RXFP1: variants seen among roughly 807,000 people sequenced by gnomAD.
RXFP1 encodes relaxin receptor 1.
In RXFP1, 73 loss-of-function variants were observed where a neutral mutation model predicts 89.8. That is an observed-to-expected ratio of 0.81 (90% CI 0.67 to 0.99). The LOEUF (loss-of-function observed/expected upper bound fraction) is 0.99. RXFP1 is among the 50% of genes least tolerant of loss of function. The probability of loss-of-function intolerance (pLI) is 0.00; values close to 1 mark genes in which losing one functional copy is unlikely to be tolerated. For synonymous variants in RXFP1, 277 were observed against 305.5 expected, an observed-to-expected ratio of 0.91 and a Z score of 0.97; for missense variants, 793 against 895.5, an observed-to-expected ratio of 0.89 and a Z score of 1.46.
chr4:158,529,783 C>G (rs558683003), intron 1 of RXFP1, among the ~76,000 whole-genome samples: 2 of 152,318 alleles, frequency 1.3e-5, no homozygotes, highest in African/African-American at 4.8e-5. Flanking sequence ...TCTCACCACA[C>G]CTTCTGACAA....
intron 9 of RXFP1, among the ~76,000 whole-genome samples, chr4:158,620,045 CA>C (rs1270182317): frequency 2.0e-5 from 3 of 152,148 alleles, no homozygotes; most frequent in Admixed American, 6.5e-5. Context: ...TCAGATTTTA[CA>C]ACTTCCAAAC....
intron 1 of RXFP1, among the ~76,000 whole-genome samples, chr4:158,535,938 C>T (rs1289938668): frequency 6.6e-6 from 1 of 152,104 alleles, no homozygotes; most frequent in Non-Finnish European, 1.5e-5. Context: ...ATCCAGTTTA[C>T]AAATAAGGCA....
At chr4:158,630,013 T>A (rs1210647516) in intron 11 of RXFP1, among the ~76,000 whole-genome samples, 1 of 152,190 alleles carries the variant, frequency 6.6e-6, no homozygotes, top group Non-Finnish European at 1.5e-5. Flanking sequence ...ATTAAAACTT[T>A]TCCATAAAAA....
At position 158,650,432 on chromosome 4, in the gene RXFP1, A is replaced by AATATATATAT. The variant is rs149845150; in HGVS notation, c.1976-1315_1976-1306dup. On this transcript the variant is annotated intron_variant, in intron 17 of 17. Coordinates refer to ENST00000307765, the MANE Select transcript of RXFP1 (RefSeq NM_021634.4). ...GCATATATCCTGTTAAATATATATAAATATATATATATATATATAATGCAG... is the reference window on the plus strand; with the variant it reads ...GCATATATCCTGTTAAATATATATAAATATATATATATATATATATATATATATAATGCAG... Among the ~76,000 whole-genome samples, 129 of 145,478 alleles carry AATATATATAT rather than the reference A, an allele frequency of 8.9e-4. 1 individual carries two copies. Among genetic ancestry groups the AATATATATAT allele is most frequent in the South Asian group, 6.0e-3 (28 of 4,664 alleles).
intron 1 of RXFP1, among the ~76,000 whole-genome samples, chr4:158,547,508 C>A (rs1318344675): frequency 5.3e-5 from 8 of 151,954 alleles, no homozygotes; most frequent in African/African-American, 1.9e-4. Flanking sequence ...AATGTGTTTT[C>A]TCTTGCTTTT....
chr4:158,522,109 T>A, intron 1 of RXFP1, 84 bp downstream of exon 1: 1 of 768,544 alleles, frequency 1.3e-6, no homozygotes, highest in Non-Finnish European at 2.1e-6. Context: ...CTTATATTTA[T>A]GCTTTTAAGA....
chr4:158,577,357 A>G (rs1441391977), intron 2 of RXFP1, among the ~76,000 whole-genome samples: 1 of 152,160 alleles, frequency 6.6e-6, no homozygotes, highest in Non-Finnish European at 1.5e-5. Context: ...TTTTTAAAAC[A>G]TCCATATGTA....
chr4:158,571,609 C>T (rs1755079573), intron 1 of RXFP1, among the ~76,000 whole-genome samples: 1 of 151,994 alleles, frequency 6.6e-6, no homozygotes, highest in Non-Finnish European at 1.5e-5. Flanking sequence ...TTGCAGTGAG[C>T]CAAGATTGTG....
Position 158,617,211 on chromosome 4 carries a change from C to A in RXFP1, c.755+6C>A. On this transcript the variant is annotated splice_donor_region_variant and intron_variant, in intron 9 of 17. Transcript: ENST00000307765. ...ATGCCAAGACTACATTGGCTGTAAGCGATTCTGTCTTTTTTTAAAGAACTC... is the reference window on the plus strand; with the variant it reads ...ATGCCAAGACTACATTGGCTGTAAGAGATTCTGTCTTTTTTTAAAGAACTC... 6.3e-7 allele frequency: 1 copy of A among 1,590,346 alleles called. No individual in the cohort carries two copies. Among genetic ancestry groups the A allele is most frequent in the Non-Finnish European group, 8.6e-7 (1 of 1,165,178 alleles).
At chr4:158,592,824 C>T (rs1003937300) in intron 2 of RXFP1, among the ~76,000 whole-genome samples, 3 of 151,970 alleles carry the variant, frequency 2.0e-5, no homozygotes, top group African/African-American at 4.8e-5. Context: ...GGCATGGTGG[C>T]GCACGCCTGT....
intron 1 of RXFP1, among the ~76,000 whole-genome samples, chr4:158,570,219 A>G (rs1754745806): frequency 6.6e-6 from 1 of 152,200 alleles, no homozygotes; most frequent in Non-Finnish European, 1.5e-5. Flanking sequence ...CTGGAGCCCA[A>G]ATTTCAGGAG....
chr4:158,635,370 A>G (rs978279856), intron 12 of RXFP1, among the ~76,000 whole-genome samples: 2 of 152,196 alleles, frequency 1.3e-5, no homozygotes, highest in African/African-American at 2.4e-5. Context: ...TTAATTTTAT[A>G]TCCAGGAATG....
intron 2 of RXFP1, among the ~76,000 whole-genome samples, chr4:158,583,934 T>G (rs1757831016): frequency 6.6e-6 from 1 of 152,216 alleles, no homozygotes; most frequent in Non-Finnish European, 1.5e-5. Context: ...TCCCTCAAAC[T>G]GCTGTTGTCA....
At chr4:158,635,119 A>G (rs1225119523) in intron 12 of RXFP1, among the ~76,000 whole-genome samples, 2 of 151,784 alleles carry the variant, frequency 1.3e-5, no homozygotes, top group Admixed American at 1.3e-4. Context: ...ACTTTGAGCA[A>G]TACTGACATC....
At chr4:158,541,316 G>T (rs940297676) in intron 1 of RXFP1, among the ~76,000 whole-genome samples, 2 of 146,054 alleles carry the variant, frequency 1.4e-5, no homozygotes, top group Admixed American at 1.4e-4. Context: ...AAAATTCTTT[G>T]TGACTTATAC....
intron 9 of RXFP1, among the ~76,000 whole-genome samples, chr4:158,621,313 G>GA (rs1030096222): frequency 6.6e-6 from 1 of 151,858 alleles, no homozygotes; most frequent in Admixed American, 6.6e-5. Flanking sequence ...CTTGTCTCTG[G>GA]AAAAAACAAC....
intron 2 of RXFP1, among the ~76,000 whole-genome samples, chr4:158,581,700 G>T (rs1274796493): frequency 6.6e-6 from 1 of 152,086 alleles, no homozygotes; most frequent in Non-Finnish European, 1.5e-5. Flanking sequence ...GACTGTTTTT[G>T]TTCCCTTTAA....
chr4:158,573,657 G>T (rs1044960914), intron 2 of RXFP1, among the ~76,000 whole-genome samples: 2 of 152,122 alleles, frequency 1.3e-5, no homozygotes, highest in Non-Finnish European at 2.9e-5. Flanking sequence ...GGCAGAATAC[G>T]GTTGAAATTG....
At chr4:158,632,510 T>G (rs1768256587) in intron 11 of RXFP1, among the ~76,000 whole-genome samples, 1 of 152,158 alleles carries the variant, frequency 6.6e-6, no homozygotes, top group African/African-American at 2.4e-5. Flanking sequence ...AACTTTTTCT[T>G]GTATAAAAGA....
Sources: allele counts gnomAD v4.1 joint callset (sites outside exome capture counted in the v4.1 genomes callset), GRCh38; gene constraint gnomAD v4.1.1; transcripts MANE v1.5; gene names NCBI Gene and HGNC (gene_info 2026-07-23, HGNC 2026-07-21).